The following PTPRO variants were observed in gnomAD, a reference collection of about 807,000 sequenced individuals.
PTPRO encodes the protein protein tyrosine phosphatase receptor type O.
PTPRO carries 62 observed loss-of-function variants against 145.2 expected under a neutral mutation model. The ratio of observed to expected loss-of-function variants is 0.43; its 90% CI spans 0.35 to 0.53. The LOEUF (loss-of-function observed/expected upper bound fraction) is 0.53, where lower values mean the gene tolerates loss of function less well. Among genes scored for constraint, PTPRO ranks in the 20% least tolerant of loss-of-function variants. The pLI is 0.01. For missense variants in PTPRO, 1,345 were observed against 1,482.7 expected, an observed-to-expected ratio of 0.91 and a Z score of 1.53; for synonymous variants, 565 against 514.7, an observed-to-expected ratio of 1.10 and a Z score of -1.32.
intron 1 of PTPRO, among the ~76,000 whole-genome samples, chr12:15,359,192 A>T (rs1938093828): frequency 6.6e-6 from 1 of 152,206 alleles, no homozygotes; most frequent in Non-Finnish European, 1.5e-5. Context: ...AGACCACTAA[A>T]TGCAAATTGT....
chr12:15,389,404 G>A (rs1018395658), intron 1 of PTPRO, among the ~76,000 whole-genome samples: 1 of 152,072 alleles, frequency 6.6e-6, no homozygotes, highest in African/African-American at 2.4e-5. Context: ...ACCACACCTG[G>A]CCTCTCCAGG....
chr12:15,552,151 T>C (rs566934898), intron 15 of PTPRO, among the ~76,000 whole-genome samples: 3 of 152,272 alleles, frequency 2.0e-5, no homozygotes, highest in Non-Finnish European at 4.4e-5. Context: ...TCTCTATTAG[T>C]TTTATTCCTA....
intron 23 of PTPRO, among the ~76,000 whole-genome samples, chr12:15,585,048 A>T (rs1170972295): frequency 1.3e-5 from 2 of 152,182 alleles, no homozygotes; most frequent in East Asian, 1.9e-4. Flanking sequence ...CACAGGGCTG[A>T]CCCCAGTTCC....
chr12:15,551,476 T>C (rs1436831651), intron 14 of PTPRO, 75 bp from the exon 15 acceptor site: 14 of 1,569,010 alleles, frequency 8.9e-6, no homozygotes, highest in Non-Finnish European at 1.1e-5. Context: ...TAAGACTAGA[T>C]GAAAAGCAAT....
intron 1 of PTPRO, among the ~76,000 whole-genome samples, chr12:15,377,458 AG>A (rs1335783432): frequency 6.6e-6 from 1 of 152,110 alleles, no homozygotes; most frequent in Admixed American, 6.5e-5. Flanking sequence ...GGTTGAAAGT[AG>A]AAAAGATGAA....
At chr12:15,517,071 A>G in intron 9 of PTPRO, 115 bp downstream of exon 9, 1 of 996,638 alleles carries the variant, frequency 1.0e-6, no homozygotes. Context: ...AAATACACAT[A>G]GTGTGTTAGT....
chr12:15,580,899 T>G, intron 22 of PTPRO, 68 bp downstream of exon 22: 4 of 1,579,530 alleles, frequency 2.5e-6, no homozygotes, highest in African/African-American at 1.3e-5. Flanking sequence ...GTTGATGAAA[T>G]GCTTGCTGTT....
chr12:15,501,980 T>G lies in PTPRO; in HGVS notation c.1022T>G (p.Phe341Cys), dbSNP rs1261114349. Residue 341 changes from phenylalanine to cysteine, a missense_variant, in exon 5 of 27, where the codon TTC (phenylalanine) becomes TGC (cysteine). Around this residue, in one of 3 missense-constraint regions of PTPRO, gnomAD observed 1,130 missense variants for 1,214.7 expected, o/e 0.93. Transcript: ENST00000281171. ...EKSTSGSFSFFPVQMILTWLP... is the reference protein window; with the variant it reads ...EKSTSGSFSFCPVQMILTWLP... The stretch of plus-strand genomic sequence containing the variant: ...TCAACATCAGGCTCTTTCTCCTTTT[T>G]CCCTGTGCAAATGATATTGACCTGG... 1.2e-6 allele frequency: 2 copies of G among 1,613,908 alleles called. No individual in the cohort carries two copies. The highest frequency in any genetic ancestry group is 1.3e-5 in the African/African-American group (1 of 74,902).
rs141426917 is a variant in PTPRO, at chr12:15,520,081, A to C, written c.1780-120A>C. Reference sequence around the variant, plus strand: ...TTATTATAGTAAATTTAGGAAACACAAAAAGACAATATAAAGGAAAATTAA... The same window carrying C: ...TTATTATAGTAAATTTAGGAAACACCAAAAGACAATATAAAGGAAAATTAA... On this transcript the variant is annotated intron_variant, in intron 9 of 26. Transcript: ENST00000281171. 6.3e-4 allele frequency: 420 copies of C among 666,190 alleles called. 3 individuals are homozygous for C. In the African/African-American group the frequency reaches 6.8e-3, roughly 11 times the overall value. 41.3% of individuals were successfully genotyped at this position (666,190 alleles called of 1,614,324 possible). A position where few individuals can be genotyped will look rare whatever the true frequency, so the allele number is the denominator to read the frequency against.
intron 1 of PTPRO, among the ~76,000 whole-genome samples, chr12:15,343,129 A>G (rs907633303): frequency 6.6e-6 from 1 of 152,192 alleles, no homozygotes; most frequent in South Asian, 2.1e-4. Context: ...AGCATACAGG[A>G]AGATGAAAAA....
Position 15,504,021 on chromosome 12 carries a change from T to C in PTPRO, c.1219T>C (p.Cys407Arg). The C allele has an allele frequency of 1.2e-6, 2 of 1,613,162 alleles. No individual in the cohort carries two copies. Among genetic ancestry groups the C allele is most frequent in the Non-Finnish European group, 1.7e-6 (2 of 1,179,260 alleles). ...GACAACCTTTAGTTCCTCAGGATCTTGTGAAACTCGAAAAAGTCAGTCAGC... is the reference window on the plus strand; with the variant it reads ...GACAACCTTTAGTTCCTCAGGATCTCGTGAAACTCGAAAAAGTCAGTCAGC... Reference protein sequence around the residue: ...SVTTFSSSGSCETRKSQSAKS... With the variant: ...SVTTFSSSGSRETRKSQSAKS... The change falls in exon 6 of 27, where the codon TGT becomes CGT. Residue 407 changes from cysteine (C) to arginine (R), a missense_variant. Cys to Arg is a radical substitution (Grantham distance 180). Transcript: ENST00000281171.
At chr12:15,435,188 T>C (rs1208568154) in intron 1 of PTPRO, among the ~76,000 whole-genome samples, 1 of 152,150 alleles carries the variant, frequency 6.6e-6, no homozygotes, top group Non-Finnish European at 1.5e-5. Context: ...CCAACTATAA[T>C]AGGATAAGAG....
intron 1 of PTPRO, among the ~76,000 whole-genome samples, chr12:15,350,912 CT>C (rs1452226870): frequency 6.6e-6 from 1 of 152,220 alleles, no homozygotes; most frequent in Non-Finnish European, 1.5e-5. Flanking sequence ...ACTATGACAA[CT>C]TCAGAACTGG....
chr12:15,371,814 C>G (rs975675766), intron 1 of PTPRO, among the ~76,000 whole-genome samples: 1 of 152,050 alleles, frequency 6.6e-6, no homozygotes, highest in African/African-American at 2.4e-5. Flanking sequence ...TGAATGAGTT[C>G]TCATGAAATC....
chr12:15,390,483 A>C (rs1302007844), intron 1 of PTPRO, among the ~76,000 whole-genome samples: 1 of 152,096 alleles, frequency 6.6e-6, no homozygotes, highest in Non-Finnish European at 1.5e-5. Context: ...AGGCTTATTC[A>C]CTATCACGAG....
chr12:15,564,734 A>C (rs1174479892), intron 17 of PTPRO, among the ~76,000 whole-genome samples: 1 of 152,242 alleles, frequency 6.6e-6, no homozygotes, highest in Non-Finnish European at 1.5e-5. Context: ...TTCTATCAAA[A>C]TTATGTAAAG....
intron 13 of PTPRO, among the ~76,000 whole-genome samples, chr12:15,546,924 C>T (rs1207353221): frequency 6.6e-6 from 1 of 152,132 alleles, no homozygotes; most frequent in Admixed American, 6.6e-5. Flanking sequence ...GTTCCTAATT[C>T]ATAAGTCACT....
At chr12:15,355,754 G>A (rs944239923) in intron 1 of PTPRO, among the ~76,000 whole-genome samples, 1 of 152,114 alleles carries the variant, frequency 6.6e-6, no homozygotes, top group Non-Finnish European at 1.5e-5. Context: ...AATTGATAGG[G>A]TTAAACATCT....
At chr12:15,481,578 A>G (rs1236736956) in intron 1 of PTPRO, among the ~76,000 whole-genome samples, 2 of 152,222 alleles carry the variant, frequency 1.3e-5, no homozygotes, top group East Asian at 1.9e-4. Context: ...AGCACTTAGC[A>G]TATGCCAGGT....
Sources: allele counts gnomAD v4.1 joint callset (sites outside exome capture counted in the v4.1 genomes callset), GRCh38; gene constraint gnomAD v4.1.1; regional missense constraint gnomAD v4.1.1; transcripts MANE v1.5; gene names NCBI Gene and HGNC (gene_info 2026-07-23, HGNC 2026-07-21).